Variants in CSMD1 observed in about 807,000 individuals in gnomAD.
CSMD1 encodes the protein CUB and Sushi multiple domains 1.
A neutral mutation model predicts 417.5 loss-of-function variants in CSMD1; 213 were observed. The ratio of observed to expected loss-of-function variants is 0.51; its 90% CI spans 0.46 to 0.57. The LOEUF is 0.57. Among genes scored for constraint, CSMD1 ranks in the 20% least tolerant of loss-of-function variants. CSMD1 has a pLI of 0.00. For synonymous variants in CSMD1, 2,862 were observed against 1,736.8 expected, an observed-to-expected ratio of 1.65 and a Z score of -16.11; for missense variants, 6,923 against 4,529.7, an observed-to-expected ratio of 1.53 and a Z score of -15.17.
intron 3 of CSMD1, among the ~76,000 whole-genome samples, chr8:4,146,594 A>T (rs1714815): frequency 0.49 from 31,986 of 65,102 alleles, 8,921 homozygotes; most frequent in Non-Finnish European, 0.56. Flanking sequence ...ATATGGACAC[A>T]TTTTTTTTTT....
Position 3,120,013 on chromosome 8 carries a change from A to T in CSMD1, c.6242-1426T>A, listed in dbSNP as rs140437408. On this transcript the variant is annotated intron_variant, in intron 41 of 69. Coordinates refer to ENST00000635120, the MANE Select transcript of CSMD1 (RefSeq NM_033225.6). ...AAATGGAAATTTCAATTTTATGTGT[A>T]AATTCCTTAACCATTGACAATATTG... Among the ~76,000 whole-genome samples the T allele has an allele frequency of 3.3e-5, 5 of 152,322 alleles. No individual in the cohort carries two copies. In the East Asian group the frequency reaches 9.6e-4, roughly 29 times the overall value.
At chr8:3,903,843 G>C (rs567138910) in intron 5 of CSMD1, among the ~76,000 whole-genome samples, 1 of 152,060 alleles carries the variant, frequency 6.6e-6, no homozygotes, top group Admixed American at 6.5e-5. Flanking sequence ...TCTCTTTAGT[G>C]GTCTTGTTTG....
At chr8:4,885,295 C>CT (rs574248553) in intron 1 of CSMD1, among the ~76,000 whole-genome samples, 27 of 151,940 alleles carry the variant, frequency 1.8e-4, no homozygotes, top group Admixed American at 4.6e-4. Flanking sequence ...AGTTTTCCTT[C>CT]TTTTTTTTAT....
At chr8:3,480,697 C>T (rs1300668762) in intron 11 of CSMD1, among the ~76,000 whole-genome samples, 1 of 152,028 alleles carries the variant, frequency 6.6e-6, no homozygotes, top group African/African-American at 2.4e-5. Flanking sequence ...CAAAATGTTA[C>T]CTACAGGATA....
intron 2 of CSMD1, among the ~76,000 whole-genome samples, chr8:4,610,270 A>T (rs901100222): frequency 6.6e-6 from 1 of 152,226 alleles, no homozygotes; most frequent in Non-Finnish European, 1.5e-5. Context: ...AAGTTCGTGA[A>T]ACTGACTATT....
intron 10 of CSMD1, among the ~76,000 whole-genome samples, chr8:3,498,429 G>C (rs545223239): frequency 1.3e-5 from 2 of 152,090 alleles, no homozygotes; most frequent in Admixed American, 6.6e-5. Context: ...CAGGAGAGAA[G>C]GAAGAATTGT....
intron 3 of CSMD1, among the ~76,000 whole-genome samples, chr8:4,132,837 T>G (rs145202619): frequency 6.4e-4 from 98 of 152,294 alleles, no homozygotes; most frequent in African/African-American, 2.0e-3. Flanking sequence ...GATAGACAGT[T>G]TGTAGCTCAA....
intron 68 of CSMD1, among the ~76,000 whole-genome samples, chr8:2,946,979 A>G (rs1478576021): frequency 3.3e-5 from 5 of 152,200 alleles, no homozygotes; most frequent in Admixed American, 2.6e-4. Context: ...TAATGATTAT[A>G]ATCAACATCT....
chr8:3,812,117 C>T (rs551184462), intron 5 of CSMD1, among the ~76,000 whole-genome samples: 34 of 152,070 alleles, frequency 2.2e-4, no homozygotes, highest in Middle Eastern at 3.2e-3. Flanking sequence ...TTTCCTTAAA[C>T]GGGTGTCCAT....
intron 49 of CSMD1, among the ~76,000 whole-genome samples, chr8:3,079,757 G>A (rs1412599019): frequency 2.6e-5 from 4 of 152,058 alleles, no homozygotes; most frequent in Non-Finnish European, 4.4e-5. Context: ...AAATGGCTTC[G>A]ATTTTGGAAT....
chr8:3,308,732 G>GTTTTTTTTTTTTTTTTTTTTTTT (rs5888961), intron 23 of CSMD1, among the ~76,000 whole-genome samples: 2 of 108,928 alleles, frequency 1.8e-5, no homozygotes, highest in Non-Finnish European at 1.7e-5. Context: ...CTACTTACAA[G>GTTTTTTTTTTTTTTTTTTTTTTT]TTTTTTTTTT....
rs778931123 is a variant in CSMD1, at chr8:3,555,070, G to C, written c.1344+19875C>G. On this transcript the variant is annotated intron_variant, in intron 10 of 69. Coordinates refer to ENST00000635120, the MANE Select transcript of CSMD1 (RefSeq NM_033225.6). ...GCCAGGGAAGGCTAAGGAGCCAGGA[G>C]AGCCCTCGGCAAGTGCAGCCGTAGG... Among the ~76,000 whole-genome samples the C allele has an allele frequency of 5.3e-5, 8 of 152,090 alleles. No individual in the cohort carries two copies. The South Asian group carries it at 1.4e-3, about 28-fold the overall frequency.
chr8:4,983,467 G>T (rs1286952254), intron 1 of CSMD1, among the ~76,000 whole-genome samples: 4 of 152,184 alleles, frequency 2.6e-5, no homozygotes, highest in African/African-American at 9.7e-5. Flanking sequence ...AGGACTTTAA[G>T]ATTTATGAAG....
At chr8:3,882,975 C>A (rs1004942212) in intron 5 of CSMD1, among the ~76,000 whole-genome samples, 1 of 152,168 alleles carries the variant, frequency 6.6e-6, no homozygotes, top group South Asian at 2.1e-4. Flanking sequence ...AGTTTGTTGA[C>A]TCTCAATAGC....
At chr8:4,849,582 T>A (rs1324619305) in intron 1 of CSMD1, among the ~76,000 whole-genome samples, 5 of 152,160 alleles carry the variant, frequency 3.3e-5, no homozygotes, top group Non-Finnish European at 5.9e-5. Flanking sequence ...GCATTTTTCA[T>A]CTTTTATACC....
chr8:4,306,697 A>G (rs559935006), intron 3 of CSMD1, among the ~76,000 whole-genome samples: 1 of 152,130 alleles, frequency 6.6e-6, no homozygotes, highest in Non-Finnish European at 1.5e-5. Context: ...TCCTCTTCCA[A>G]AACGTCCTCA....
chr8:3,442,328 T>C (rs1166070989), intron 12 of CSMD1, among the ~76,000 whole-genome samples: 2 of 152,198 alleles, frequency 1.3e-5, no homozygotes, highest in African/African-American at 4.8e-5. Flanking sequence ...CAGTGTATGG[T>C]AATGTCCTAG....
intron 49 of CSMD1, among the ~76,000 whole-genome samples, chr8:3,053,745 C>T (rs1000403621): frequency 6.6e-6 from 1 of 152,112 alleles, no homozygotes; most frequent in African/African-American, 2.4e-5. Flanking sequence ...CAAACGATTA[C>T]ATGTGACAGT....
intron 7 of CSMD1, among the ~76,000 whole-genome samples, chr8:3,621,348 G>C (rs1796234676): frequency 6.6e-6 from 1 of 152,108 alleles, no homozygotes; most frequent in Non-Finnish European, 1.5e-5. Flanking sequence ...ACTCACTTTA[G>C]GCGTAAGGAC....
Sources: allele counts gnomAD v4.1 joint callset (sites outside exome capture counted in the v4.1 genomes callset), GRCh38; gene constraint gnomAD v4.1.1; transcripts MANE v1.5; gene names NCBI Gene and HGNC (gene_info 2026-07-23, HGNC 2026-07-21).